The following OPCML variants were observed in gnomAD, a reference collection of about 807,000 sequenced individuals.
The protein encoded by OPCML is opioid-binding protein/cell adhesion molecule.
In OPCML, 13 loss-of-function variants were observed where a neutral mutation model predicts 37.8. That is an observed-to-expected ratio of 0.34 (90% CI 0.22 to 0.55). The LOEUF is 0.55. OPCML is among the 20% of genes least tolerant of loss of function. OPCML has a pLI of 0.91. For missense variants in OPCML, 341 were observed against 435.6 expected (o/e 0.78, Z 1.93); for synonymous variants, 176 against 168.8 (o/e 1.04, Z -0.33).
chr11:132,416,893 C>A lies in OPCML; in HGVS notation c.*3300G>T, dbSNP rs1313064017. 2 of 152,590 alleles carry A rather than the reference C, an allele frequency of 1.3e-5. No individual in the cohort carries two copies. The highest frequency in any genetic ancestry group is 4.8e-5 in the African/African-American group (2 of 41,440). 9.5% of individuals were successfully genotyped at this position (152,590 alleles called of 1,614,324 possible). A position where few individuals can be genotyped will look rare whatever the true frequency, so the allele number is the denominator to read the frequency against. On this transcript the variant is annotated 3_prime_UTR_variant, in exon 8 of 8. Transcript: ENST00000524381. ...GTATCAGGCACTTGACATTAAACTA[C>A]TGAAAAACAAGCTTGGCTGCAGCCT... is the stretch of plus-strand genomic sequence containing the variant.
At chr11:133,287,652 C>G (rs1209666683) in intron 1 of OPCML, among the ~76,000 whole-genome samples, 2 of 152,040 alleles carry the variant, frequency 1.3e-5, no homozygotes, top group Non-Finnish European at 2.9e-5. Context: ...GCAGGGGCTC[C>G]CAGCAGACAG....
At chr11:133,370,347 T>C (rs1944644721) in intron 1 of OPCML, among the ~76,000 whole-genome samples, 1 of 152,148 alleles carries the variant, frequency 6.6e-6, no homozygotes, top group Non-Finnish European at 1.5e-5. Flanking sequence ...CAAAAACTCT[T>C]AGATCTGATA....
At chr11:132,441,207 G>T (rs1374841864) in intron 4 of OPCML, among the ~76,000 whole-genome samples, 1 of 98,844 alleles carries the variant, frequency 1.0e-5, no homozygotes, top group Non-Finnish European at 1.9e-5. Flanking sequence ...TCGCTCTGTC[G>T]CCCAGGCTGG....
chr11:132,918,078 C>T (rs1944666542), intron 2 of OPCML, among the ~76,000 whole-genome samples: 1 of 152,146 alleles, frequency 6.6e-6, no homozygotes, highest in South Asian at 2.1e-4. Context: ...GAAATTACCT[C>T]ACAATAAGGT....
intron 1 of OPCML, among the ~76,000 whole-genome samples, chr11:133,319,281 A>G (rs1339117909): frequency 6.6e-6 from 1 of 152,184 alleles, no homozygotes; most frequent in Middle Eastern, 3.2e-3. Context: ...CCCAGGTGAG[A>G]TGGAAAATGT....
intron 3 of OPCML, among the ~76,000 whole-genome samples, chr11:132,652,582 T>A (rs1354012120): frequency 6.6e-6 from 1 of 152,208 alleles, no homozygotes. Flanking sequence ...TGCAGTTACC[T>A]AATTTGTAAA....
intron 1 of OPCML, among the ~76,000 whole-genome samples, chr11:133,410,633 G>GAAAAAAAAAAAAAAA (rs1491473624): frequency 1.2e-4 from 1 of 8,228 alleles, no homozygotes; most frequent in Non-Finnish European, 2.7e-4. Flanking sequence ...AAGAAAAAAA[G>GAAAAAAAAAAAAAAA]TAAAAAAAAA....
At chr11:133,440,762 T>TTATATATATATATATA (rs58808691) in intron 1 of OPCML, among the ~76,000 whole-genome samples, 9 of 126,940 alleles carry the variant, frequency 7.1e-5, no homozygotes, top group Middle Eastern at 4.1e-3. Context: ...CCTACAGCAA[T>TTATATATATATATATA]TATATATATA....
Position 132,692,362 on chromosome 11 carries a change from G to T in OPCML, c.147-35043C>A, listed in dbSNP as rs573568841. On this transcript the variant is annotated intron_variant, in intron 2 of 7. Coordinates refer to ENST00000524381, the MANE Select transcript of OPCML (RefSeq NM_001012393.5). ...GGTAATTAACACTCGTTGCCATGCA[G>T]CTCATGCATCTATAGGATCAGGCAT... 1.1e-4 allele frequency among the ~76,000 whole-genome samples: 17 copies of T among 152,316 alleles called. No homozygotes were observed. The East Asian group carries it at 3.3e-3, about 29-fold the overall frequency.
intron 3 of OPCML, among the ~76,000 whole-genome samples, chr11:132,606,243 C>T (rs1938285052): frequency 6.6e-6 from 1 of 152,158 alleles, no homozygotes; most frequent in African/African-American, 2.4e-5. Context: ...CTTTGGCTTT[C>T]TCTCTGGACA....
At position 133,463,702 on chromosome 11, in the gene OPCML, C is replaced by T. The variant is rs949901706; in HGVS notation, c.61+68562G>A. Among the ~76,000 whole-genome samples, 9 of 152,102 alleles carry T rather than the reference C, an allele frequency of 5.9e-5. No individual in the cohort carries two copies. The South Asian group carries it at 6.2e-4, about 11-fold the overall frequency. On this transcript the variant is annotated intron_variant, in intron 1 of 7. Transcript: ENST00000524381. ...TTCAGCTATACCGACACCTGGAATG[C>T]GCCCAACTGGGTACTTCGAATTTAG...
intron 3 of OPCML, among the ~76,000 whole-genome samples, chr11:132,543,266 C>G (rs1207270612): frequency 6.6e-6 from 1 of 152,160 alleles, no homozygotes; most frequent in Non-Finnish European, 1.5e-5. Flanking sequence ...AATCCCAACA[C>G]TTTCAGAGGC....
At chr11:132,731,470 A>G (rs895012924) in intron 2 of OPCML, among the ~76,000 whole-genome samples, 1 of 152,248 alleles carries the variant, frequency 6.6e-6, no homozygotes, top group Non-Finnish European at 1.5e-5. Context: ...CTTACAGACT[A>G]TGAAAGATAA....
At chr11:133,082,020 C>G (rs1309341867) in intron 1 of OPCML, among the ~76,000 whole-genome samples, 1 of 152,076 alleles carries the variant, frequency 6.6e-6, no homozygotes, top group Non-Finnish European at 1.5e-5. Flanking sequence ...TGCCCAGAGT[C>G]CTGCCGTTTC....
chr11:133,324,267 C>A (rs1383660504), intron 1 of OPCML, among the ~76,000 whole-genome samples: 1 of 152,154 alleles, frequency 6.6e-6, no homozygotes, highest in Admixed American at 6.5e-5. Context: ...TGTCTGATCC[C>A]TGCCTGCTCC....
At chr11:133,395,885 T>C (rs562023760) in intron 1 of OPCML, among the ~76,000 whole-genome samples, 6 of 152,298 alleles carry the variant, frequency 3.9e-5, no homozygotes, top group Admixed American at 3.9e-4. Flanking sequence ...TGGTTCCATA[T>C]AAATTTTAGG....
chr11:132,878,874 A>C (rs1008944305), intron 2 of OPCML, among the ~76,000 whole-genome samples: 59 of 152,322 alleles, frequency 3.9e-4, no homozygotes, highest in African/African-American at 1.3e-3. Flanking sequence ...TACGTCATAG[A>C]GCATGATTAG....
chr11:132,984,158 C>A (rs1377366483), intron 1 of OPCML, among the ~76,000 whole-genome samples: 1 of 152,184 alleles, frequency 6.6e-6, no homozygotes, highest in Non-Finnish European at 1.5e-5. Context: ...ATTTCATTGA[C>A]CCGGATCCAG....
chr11:133,051,416 G>A (rs1948129517), intron 1 of OPCML, among the ~76,000 whole-genome samples: 1 of 152,176 alleles, frequency 6.6e-6, no homozygotes, highest in Non-Finnish European at 1.5e-5. Flanking sequence ...TTCCAGGGCT[G>A]CAGCCCCTGA....
Sources: allele counts gnomAD v4.1 joint callset (sites outside exome capture counted in the v4.1 genomes callset), GRCh38; gene constraint gnomAD v4.1.1; transcripts MANE v1.5; gene names NCBI Gene and HGNC (gene_info 2026-07-23, HGNC 2026-07-21).